SPAST: variants seen among roughly 807,000 people sequenced by gnomAD.
SPAST encodes spastin.
Under a neutral mutation model 76.6 loss-of-function variants are expected in SPAST, and 30 were observed. The ratio of observed to expected loss-of-function variants is 0.39; its 90% CI spans 0.29 to 0.53. SPAST has a LOEUF of 0.53. Ranked by LOEUF, SPAST falls within the 20% of genes least tolerant of loss-of-function variation. The probability of loss-of-function intolerance (pLI) is 0.68; values close to 1 mark genes in which losing one functional copy is unlikely to be tolerated. For missense variants in SPAST, 717 were observed against 770.5 expected (o/e 0.93, Z 0.82); for synonymous variants, 305 against 281.0 (o/e 1.09, Z -0.86).
chr2:32,089,218 T>TTTTTTTTTTC lies in SPAST; in HGVS notation c.503-304_503-303insTTTTTTTTTC, dbSNP rs375850129. Among the ~76,000 whole-genome samples, 58 of 129,994 alleles carry TTTTTTTTTTC rather than the reference T, an allele frequency of 4.5e-4. 5 individuals are homozygous for TTTTTTTTTTC. The highest frequency in any genetic ancestry group is 4.0e-3 in the Middle Eastern group (1 of 250). The allele number at this position is 129,994 out of a possible 152,430, so 85.3% of individuals were successfully genotyped here. A position where few individuals can be genotyped will look rare whatever the true frequency, so the allele number is the denominator to read the frequency against. Reference sequence around the variant, plus strand: ...CGGCTAATTTTTTTTTTTTTTTTTTTAAGTAGAGACCAGATCTCTTTATGT... The same window carrying TTTTTTTTTTC: ...CGGCTAATTTTTTTTTTTTTTTTTTTTTTTTTTTTCAAGTAGAGACCAGATCTCTTTATGT... On this transcript the variant is annotated intron_variant, in intron 2 of 16. Coordinates refer to ENST00000315285, the MANE Select transcript of SPAST (RefSeq NM_014946.4).
chr2:32,143,144 T>G (rs923064424), intron 13 of SPAST, among the ~76,000 whole-genome samples, 192 bp from the exon 14 acceptor site: 2 of 152,066 alleles, frequency 1.3e-5, no homozygotes, highest in Non-Finnish European at 2.9e-5. Flanking sequence ...GGCACGTGCC[T>G]TTGGTCCCAG....
intron 4 of SPAST, among the ~76,000 whole-genome samples, chr2:32,105,053 A>G (rs1453826011): frequency 6.6e-6 from 1 of 152,114 alleles, no homozygotes; most frequent in African/African-American, 2.4e-5. Flanking sequence ...GTGTTTTCCA[A>G]CTTGGTTCCA....
chr2:32,102,357 T>G (rs935995392), intron 4 of SPAST, among the ~76,000 whole-genome samples: 38 of 152,358 alleles, frequency 2.5e-4, no homozygotes, highest in African/African-American at 8.7e-4. Context: ...CTTATCAGCT[T>G]AAGGAGATTT....
chr2:32,144,873 A>G, intron 14 of SPAST, 64 bp from the exon 15 acceptor site: 1 of 1,145,158 alleles, frequency 8.7e-7, no homozygotes, highest in Non-Finnish European at 1.3e-6. Flanking sequence ...AACAAGAGCA[A>G]AACTCCATCT....
chr2:32,141,113 C>T (rs890526023), intron 12 of SPAST, among the ~76,000 whole-genome samples: 1 of 151,810 alleles, frequency 6.6e-6, no homozygotes, highest in African/African-American at 2.4e-5. Flanking sequence ...TAGCATGCAG[C>T]CTCCCTCACT....
At chr2:32,122,082 G>A (rs1239789496) in intron 7 of SPAST, among the ~76,000 whole-genome samples, 2 of 152,164 alleles carry the variant, frequency 1.3e-5, no homozygotes, top group African/African-American at 4.8e-5. Context: ...ATTGTTGATA[G>A]TGAGAGCCCA....
chr2:32,077,011 A>G (rs454119), intron 1 of SPAST, among the ~76,000 whole-genome samples: 81,427 of 151,574 alleles, frequency 0.54, 22,049 homozygotes, highest in East Asian at 0.64. Flanking sequence ...AAGTAGCTGG[A>G]ATTACAGGCG....
At chr2:32,083,976 G>T (rs1174285528) in intron 1 of SPAST, among the ~76,000 whole-genome samples, 2 of 148,794 alleles carry the variant, frequency 1.3e-5, no homozygotes, top group Non-Finnish European at 3.0e-5. Flanking sequence ...GTGGAGTTTC[G>T]CCATGTTGTC....
At chr2:32,110,776 TA>T (rs1678551390) in intron 4 of SPAST, among the ~76,000 whole-genome samples, 1 of 111,364 alleles carries the variant, frequency 9.0e-6, no homozygotes, top group Non-Finnish European at 1.9e-5. Flanking sequence ...GTATACATAG[TA>T]TACTATATAT....
chr2:32,103,445 G>T (rs1240166059), intron 4 of SPAST, among the ~76,000 whole-genome samples: 3 of 152,032 alleles, frequency 2.0e-5, no homozygotes, highest in Non-Finnish European at 2.9e-5. Flanking sequence ...TTTTTGAAAG[G>T]TTTTTTGTGT....
chr2:32,102,105 A>G (rs900538570), intron 4 of SPAST, among the ~76,000 whole-genome samples: 7 of 152,140 alleles, frequency 4.6e-5, no homozygotes, highest in African/African-American at 1.7e-4. Context: ...TCCTATCCAT[A>G]AGCATGGAAT....
chr2:32,081,626 A>G (rs772102429), intron 1 of SPAST, among the ~76,000 whole-genome samples: 4 of 151,906 alleles, frequency 2.6e-5, no homozygotes, highest in Non-Finnish European at 5.9e-5. Flanking sequence ...TCTACTAAAA[A>G]TACAAAACTT....
intron 7 of SPAST, among the ~76,000 whole-genome samples, chr2:32,123,628 T>C (rs1679096093): frequency 6.6e-6 from 1 of 152,162 alleles, no homozygotes; most frequent in African/African-American, 2.4e-5. Context: ...AGACTTACTG[T>C]AAAGCTACAT....
At chr2:32,154,239 ATT>A (rs1680178670) in intron 16 of SPAST, 133 bp from the exon 17 acceptor site, 2 of 737,488 alleles carry the variant, frequency 2.7e-6, no homozygotes, top group South Asian at 3.5e-5. Flanking sequence ...GGCTGACATA[ATT>A]TTCTAAGAAT....
intron 7 of SPAST, among the ~76,000 whole-genome samples, chr2:32,117,089 T>A (rs1212058584): frequency 2.0e-5 from 3 of 151,888 alleles, no homozygotes; most frequent in Non-Finnish European, 2.9e-5. Context: ...TGAAACCCTG[T>A]CTTTACTAAA....
At chr2:32,112,637 C>T (rs868031705) in intron 4 of SPAST, among the ~76,000 whole-genome samples, 36 of 152,100 alleles carry the variant, frequency 2.4e-4, no homozygotes, top group African/African-American at 8.2e-4. Flanking sequence ...TAAGCCACCA[C>T]GCCCAGCCTA....
At chr2:32,100,050 A>T (rs565129396) in intron 4 of SPAST, among the ~76,000 whole-genome samples, 4 of 152,216 alleles carry the variant, frequency 2.6e-5, no homozygotes, top group African/African-American at 9.6e-5. Context: ...GGTGGGTCAT[A>T]TGGTAGTTCT....
chr2:32,083,675 A>ATT (rs1314379905), intron 1 of SPAST, among the ~76,000 whole-genome samples: 1 of 97,514 alleles, frequency 1.0e-5, no homozygotes, highest in African/African-American at 3.9e-5. Context: ...ATATATATAT[A>ATT]TTTTTATGCT....
intron 9 of SPAST, among the ~76,000 whole-genome samples, chr2:32,134,600 G>C (rs546713061): frequency 9.9e-5 from 15 of 152,088 alleles, no homozygotes; most frequent in Admixed American, 9.8e-4. Flanking sequence ...CACTGTGCCT[G>C]GTCTTCAAGT....
Sources: allele counts gnomAD v4.1 joint callset (sites outside exome capture counted in the v4.1 genomes callset), GRCh38; gene constraint gnomAD v4.1.1; transcripts MANE v1.5; gene names NCBI Gene and HGNC (gene_info 2026-07-23, HGNC 2026-07-21).